Variants in LCORL observed in about 807,000 individuals in gnomAD.
LCORL encodes ligand-dependent nuclear receptor corepressor-like protein.
Under a neutral mutation model 141.8 loss-of-function variants are expected in LCORL, and 41 were observed. The ratio of observed to expected loss-of-function variants is 0.29; its 90% confidence interval spans 0.23 to 0.38. The LOEUF (loss-of-function observed/expected upper bound fraction) is 0.38, where lower values mean the gene tolerates loss of function less well. LCORL is among the 10% of genes least tolerant of loss of function. The probability of loss-of-function intolerance (pLI) is 1.00; values close to 1 mark genes in which losing one functional copy is unlikely to be tolerated. For synonymous variants in LCORL, 618 were observed against 694.1 expected (o/e 0.89, Z 1.72); for missense variants, 1,759 against 2,035.0 (o/e 0.86, Z 2.61).
At chr4:17,992,584 C>T (rs1309330341) in intron 1 of LCORL, among the ~76,000 whole-genome samples, 3 of 152,158 alleles carry the variant, frequency 2.0e-5, no homozygotes, top group Non-Finnish European at 2.9e-5. Flanking sequence ...TATCTTTGAA[C>T]AGATTCTTGA....
chr4:17,848,867 CAGG>C (rs529626371), intron 7 of LCORL, among the ~76,000 whole-genome samples: 264 of 152,346 alleles, frequency 1.7e-3, no homozygotes, highest in African/African-American at 5.9e-3. Flanking sequence ...AACGGCACAC[CAGG>C]AGATTATATC....
At chr4:18,004,745 C>A (rs1722515079) in intron 1 of LCORL, among the ~76,000 whole-genome samples, 1 of 152,184 alleles carries the variant, frequency 6.6e-6, no homozygotes, top group Non-Finnish European at 1.5e-5. Context: ...AGTCCACAGT[C>A]CCACATCTCA....
chr4:17,992,875 G>A (rs1432923644), intron 1 of LCORL, among the ~76,000 whole-genome samples: 1 of 152,164 alleles, frequency 6.6e-6, no homozygotes, highest in Non-Finnish European at 1.5e-5. Context: ...ATTAAGCACT[G>A]ACTCCTGGGT....
chr4:17,860,018 AGAAAAATCAATATTGGGATAG>A (rs1395427598), intron 7 of LCORL, among the ~76,000 whole-genome samples: 15 of 152,228 alleles, frequency 9.9e-5, no homozygotes, highest in African/African-American at 3.6e-4. Flanking sequence ...ATTATGGGTA[AGAAAAATCAATATTGGGATAG>A]GAAAAATCAA....
At chr4:17,906,688 CTTTTTT>C (rs36083281) in intron 5 of LCORL, among the ~76,000 whole-genome samples, 1 of 134,020 alleles carries the variant, frequency 7.5e-6, no homozygotes, top group Admixed American at 7.5e-5. Flanking sequence ...TTTAAAATGC[CTTTTTT>C]TTTTTTTTTT....
intron 1 of LCORL, among the ~76,000 whole-genome samples, chr4:17,992,822 C>G (rs1720255984): frequency 8.5e-5 from 13 of 152,192 alleles, no homozygotes; most frequent in Admixed American, 8.5e-4. Flanking sequence ...AAATGTAAAA[C>G]TGTAATTTAT....
At chr4:17,911,931 T>C (rs1732618587) in intron 4 of LCORL, 3 of 553,748 alleles carry the variant, frequency 5.4e-6, no homozygotes, top group African/African-American at 3.8e-5. Flanking sequence ...CCATGCAAAG[T>C]CTGAATGGCC....
At chr4:17,950,888 T>C (rs1044900059) in intron 4 of LCORL, among the ~76,000 whole-genome samples, 2 of 152,140 alleles carry the variant, frequency 1.3e-5, no homozygotes, top group Admixed American at 1.3e-4. Context: ...CATTAAAAAA[T>C]TAAACTACAA....
intron 4 of LCORL, chr4:17,911,707 A>G: frequency 2.0e-6 from 1 of 501,180 alleles, no homozygotes. Flanking sequence ...CTTCTCCACC[A>G]GCTACTGTTT....
chr4:17,859,422 T>C (rs1270202357), intron 7 of LCORL, among the ~76,000 whole-genome samples: 2 of 152,108 alleles, frequency 1.3e-5, no homozygotes, highest in African/African-American at 4.8e-5. Context: ...GAAAAATATA[T>C]TTTTAAAAAT....
chr4:17,842,399 A>G, exon 8 of LCORL: 1 of 1,599,508 alleles, frequency 6.3e-7, no homozygotes, highest in Non-Finnish European at 8.6e-7. Flanking sequence ...GCATGTCTAG[A>G]ATATATGGAG....
chr4:17,908,850 C>G (rs1732069815), intron 5 of LCORL, among the ~76,000 whole-genome samples: 1 of 151,984 alleles, frequency 6.6e-6, no homozygotes, highest in Non-Finnish European at 1.5e-5. Flanking sequence ...TATTTTTAAG[C>G]TGTTTATTAG....
chr4:17,944,933 TA>T (rs1484476465), intron 4 of LCORL, among the ~76,000 whole-genome samples: 1 of 152,170 alleles, frequency 6.6e-6, no homozygotes, highest in African/African-American at 2.4e-5. Flanking sequence ...GCTGTGGATA[TA>T]ATATACAACT....
rs1019569458 is a variant in LCORL, at chr4:17,906,646, A to G, written c.682+2448T>C. Among the ~76,000 whole-genome samples the G allele has an allele frequency of 4.6e-5, 7 of 151,736 alleles. No homozygotes were observed. In the South Asian group the frequency reaches 6.2e-4, roughly 13 times the overall value. On this transcript the variant is annotated intron_variant, in intron 5 of 7. Transcript: ENST00000635767. Reference sequence around the variant, plus strand: ...GATCTGTCTTGCCACTTAACTTCATAGAATCAAAGATCTAAGGACTGGAAA... The same window carrying G: ...GATCTGTCTTGCCACTTAACTTCATGGAATCAAAGATCTAAGGACTGGAAA...
chr4:17,890,880 C>T (rs1728974499), intron 5 of LCORL, among the ~76,000 whole-genome samples: 1 of 151,916 alleles, frequency 6.6e-6, no homozygotes, highest in Non-Finnish European at 1.5e-5. Flanking sequence ...TGTTTTCTTT[C>T]CTGTATTGTC....
At chr4:17,848,897 G>C (rs1210171707) in intron 7 of LCORL, among the ~76,000 whole-genome samples, 1 of 152,242 alleles carries the variant, frequency 6.6e-6, no homozygotes, top group East Asian at 1.9e-4. Context: ...CTGGCTCGGA[G>C]GGTCCTACGC....
intron 4 of LCORL, among the ~76,000 whole-genome samples, chr4:17,930,673 A>C (rs550163789): frequency 1.1e-4 from 16 of 152,158 alleles, no homozygotes; most frequent in Non-Finnish European, 2.2e-4. Context: ...CATTTTCTTA[A>C]TGTAGCATAG....
intron 5 of LCORL, among the ~76,000 whole-genome samples, chr4:17,908,584 T>C (rs1392730003): frequency 1.3e-5 from 2 of 152,206 alleles, no homozygotes; most frequent in Admixed American, 6.5e-5. Context: ...AAGTCCAACA[T>C]GGTCTTCATC....
exon 8 of LCORL, chr4:17,842,226 A>G (rs1722478865): frequency 1.7e-6 from 2 of 1,170,790 alleles, no homozygotes; most frequent in Admixed American, 1.8e-5. Flanking sequence ...GTTGAAGACA[A>G]AGGATTTAGT....
Sources: gnomAD v4.1 joint callset for allele counts (sites outside exome capture counted in the v4.1 genomes callset) on GRCh38, gnomAD v4.1.1 for gene constraint, MANE v1.5 for transcripts, NCBI Gene and HGNC (gene_info 2026-07-23, HGNC 2026-07-21) for gene names.